The following GALNT9 variants were observed in gnomAD, a reference collection of about 807,000 sequenced individuals.
GALNT9 encodes the protein GalNAc transferase 9.
In GALNT9, 47 loss-of-function variants were observed where a neutral mutation model predicts 63.1. The ratio of observed to expected loss-of-function variants is 0.75; its 90% CI spans 0.59 to 0.95. The LOEUF (loss-of-function observed/expected upper bound fraction) is 0.95. Ranked by LOEUF, GALNT9 falls within the 40% of genes least tolerant of loss-of-function variation. The probability of loss-of-function intolerance (pLI) is 0.00; values close to 1 mark genes in which losing one functional copy is unlikely to be tolerated. For missense variants in GALNT9, 829 were observed against 874.8 expected (o/e 0.95, Z 0.66); for synonymous variants, 396 against 365.7 (o/e 1.08, Z -0.94).
intron 1 of GALNT9, among the ~76,000 whole-genome samples, chr12:132,291,158 C>G (rs150027232): frequency 2.2e-5 from 1 of 46,268 alleles, no homozygotes; most frequent in Non-Finnish European, 3.8e-5. Flanking sequence ...ACAGCACCCA[C>G]GTCCACAGCA....
At chr12:132,270,557 T>C (rs1879827160) in intron 2 of GALNT9, among the ~76,000 whole-genome samples, 2 of 152,240 alleles carry the variant, frequency 1.3e-5, no homozygotes, top group African/African-American at 2.4e-5. Context: ...CTGTAATCAA[T>C]AGGAACTCAA....
chr12:132,201,324 A>G, intron 7 of GALNT9, 63 bp from the exon 8 acceptor site: 1 of 1,222,228 alleles, frequency 8.2e-7, no homozygotes, highest in Non-Finnish European at 1.2e-6. Context: ...TCTTCCCCAT[A>G]ATGAGGTTGG....
chr12:132,201,938 A>C (rs1225038528), intron 7 of GALNT9, among the ~76,000 whole-genome samples: 2 of 152,120 alleles, frequency 1.3e-5, no homozygotes, highest in African/African-American at 2.4e-5. Context: ...TCTGACGGAC[A>C]GCCAGCCCTG....
chr12:132,261,394 T>TGGAGACG (rs59923673), intron 3 of GALNT9, among the ~76,000 whole-genome samples: 9,334 of 152,110 alleles, frequency 0.061, 968 homozygotes, highest in African/African-American at 0.21. Context: ...GCCCATGCTG[T>TGGAGACG]GGAGACACAG....
chr12:132,246,533 T>C lies in GALNT9; in HGVS notation c.1077+1377A>G, dbSNP rs1387597082. ...TGTTTCACGGTATTATTTTATTTTA[T>C]TTTATCATATATTTTTTGAAATGGA... On this transcript the variant is annotated intron_variant, in intron 6 of 10. Transcript: ENST00000328957. This position sits in a 1 kb window ranked among gnomAD's most constrained non-coding sequence, Gnocchi z 4.7. 6.6e-6 allele frequency among the ~76,000 whole-genome samples: 1 copy of C among 152,156 alleles called. No individual in the cohort carries two copies. Among genetic ancestry groups the C allele is most frequent in the Non-Finnish European group, 1.5e-5 (1 of 68,030 alleles).
chr12:132,291,436 GCGCC>G (rs1880835664), intron 1 of GALNT9, among the ~76,000 whole-genome samples: 2 of 113,326 alleles, frequency 1.8e-5, no homozygotes, highest in Non-Finnish European at 3.6e-5. Flanking sequence ...CACAACCACA[GCGCC>G]CACGTCCACA....
intron 1 of GALNT9, among the ~76,000 whole-genome samples, chr12:132,308,393 C>T (rs782711768): frequency 6.6e-6 from 1 of 152,238 alleles, no homozygotes; most frequent in Non-Finnish European, 1.5e-5. Flanking sequence ...GCAAGCAGAC[C>T]CCGAAACACC....
chr12:132,304,518 C>G (rs1555244332), intron 1 of GALNT9, among the ~76,000 whole-genome samples: 1 of 60,064 alleles, frequency 1.7e-5, no homozygotes, highest in Non-Finnish European at 2.8e-5. Flanking sequence ...CACCCTCGCC[C>G]GGACACACCC....
intron 6 of GALNT9, among the ~76,000 whole-genome samples, chr12:132,217,384 C>A (rs1361649717): frequency 6.7e-6 from 1 of 150,208 alleles, no homozygotes; most frequent in African/African-American, 2.5e-5. Context: ...CATTCACCCA[C>A]CTAGCCACTA....
At chr12:132,223,066 C>A (rs1308335368) in intron 6 of GALNT9, among the ~76,000 whole-genome samples, 1 of 116,218 alleles carries the variant, frequency 8.6e-6, no homozygotes, top group African/African-American at 3.8e-5. Context: ...ACAACCCACA[C>A]CCCACATACA....
Position 132,316,369 on chromosome 12 carries a change from C to T in GALNT9, c.238+12597G>A, listed in dbSNP as rs1187101158. On this transcript the variant is annotated intron_variant, in intron 1 of 10. Coordinates refer to ENST00000328957, the MANE Select transcript of GALNT9 (RefSeq NM_001122636.2). The surrounding 1 kb of genome is among the most constrained non-coding windows in gnomAD (Gnocchi z 4.3). ...CCTATTCTGGGAGGAAACAGAGATC[C>T]CCTATAACCGAGCATATACTTCCTT... is the stretch of plus-strand genomic sequence containing the variant. 6.6e-6 allele frequency among the ~76,000 whole-genome samples: 1 copy of T among 152,130 alleles called. No homozygotes were observed. Among genetic ancestry groups the T allele is most frequent in the Non-Finnish European group, 1.5e-5 (1 of 68,010 alleles).
chr12:132,203,010 G>A (rs763788108), intron 7 of GALNT9, among the ~76,000 whole-genome samples: 14 of 152,202 alleles, frequency 9.2e-5, no homozygotes, highest in Admixed American at 2.0e-4. Context: ...CACTGTGGAC[G>A]TGACTCAGCC....
In GALNT9 at chr12:132,245,051, C is replaced by T. The variant is rs1878655804; in HGVS notation, c.1077+2859G>A. 1.3e-5 allele frequency among the ~76,000 whole-genome samples: 2 copies of T among 151,908 alleles called. No homozygotes were observed. Among genetic ancestry groups the T allele is most frequent in the Non-Finnish European group, 2.9e-5 (2 of 67,950 alleles). On this transcript the variant is annotated intron_variant, in intron 6 of 10. Transcript: ENST00000328957. This position sits in a 1 kb window ranked among gnomAD's most constrained non-coding sequence, Gnocchi z 6.3. The stretch of plus-strand genomic sequence containing the variant: ...CAGGGAGTGGAGTAAACGCTGGGCG[C>T]GGCCACAGCTGTGCCTTGTCAGGGG...
chr12:132,241,124 A>C (rs2136900802), intron 6 of GALNT9, among the ~76,000 whole-genome samples: 32 of 66,734 alleles, frequency 4.8e-4, no homozygotes, highest in East Asian at 1.3e-3. Context: ...CACAACACAC[A>C]CCCTTCCAGG....
chr12:132,205,596 G>A lies in GALNT9; in HGVS notation c.1078-1906C>T, dbSNP rs139469072. 1,344 of 152,454 alleles carry A rather than the reference G, an allele frequency of 8.8e-3. 13 individuals are homozygous for A. Among genetic ancestry groups the A allele is most frequent in the Non-Finnish European group, 0.012 (812 of 68,142 alleles). The allele number at this position is 152,454 out of a possible 1,614,324, so 9.4% of individuals were successfully genotyped here. On this transcript the variant is annotated intron_variant, in intron 6 of 10. Coordinates refer to ENST00000328957, the MANE Select transcript of GALNT9 (RefSeq NM_001122636.2). ...CTCCTTCCCCGGGATGGTGGAGTCC[G>A]CGGCGCCGCCGTGCCAGGCTGAAGT...
At chr12:132,217,599 T>G (rs977817654) in intron 6 of GALNT9, among the ~76,000 whole-genome samples, 1 of 143,596 alleles carries the variant, frequency 7.0e-6, no homozygotes, top group Non-Finnish European at 1.5e-5. Context: ...CATCCATCCA[T>G]CCATCCATCC....
At position 132,319,211 on chromosome 12, in the gene GALNT9, T is replaced by C. The variant is rs1868665199; in HGVS notation, c.238+9755A>G. On this transcript the variant is annotated intron_variant, in intron 1 of 10. Transcript: ENST00000328957. The surrounding 1 kb of genome is among the most constrained non-coding windows in gnomAD (Gnocchi z 5.2). ...GCTGGAAGTATTGCTTCCAGGTGCGTCTGTGCGAGATTTGAGTCTGAATCA... is the reference window on the plus strand; with the variant it reads ...GCTGGAAGTATTGCTTCCAGGTGCGCCTGTGCGAGATTTGAGTCTGAATCA... Among the ~76,000 whole-genome samples the C allele has an allele frequency of 6.6e-6, 1 of 152,106 alleles. No individual in the cohort carries two copies.
At chr12:132,289,384 T>G (rs536646919) in intron 1 of GALNT9, among the ~76,000 whole-genome samples, 1 of 152,376 alleles carries the variant, frequency 6.6e-6, no homozygotes, top group South Asian at 2.1e-4. Flanking sequence ...AGAGGCTTCT[T>G]GCTCTCCAGT....
intron 6 of GALNT9, among the ~76,000 whole-genome samples, chr12:132,215,042 C>G (rs1259135159): frequency 6.6e-6 from 1 of 152,252 alleles, no homozygotes; most frequent in Non-Finnish European, 1.5e-5. Flanking sequence ...TGCTGACTGG[C>G]CTGTCAGCGT....
Sources: gnomAD v4.1 joint callset for allele counts (sites outside exome capture counted in the v4.1 genomes callset) on GRCh38, gnomAD v4.1.1 for gene constraint, Gnocchi (gnomAD v3.1) non-coding constraint, MANE v1.5 for transcripts, NCBI Gene and HGNC (gene_info 2026-07-23, HGNC 2026-07-21) for gene names.